B4GALT6: variants seen among roughly 807,000 people sequenced by gnomAD.
The protein encoded by B4GALT6 is UDP-Gal:beta-GlcNAc beta-1,4-galactosyltransferase 6.
In B4GALT6, 14 loss-of-function variants were observed where a neutral mutation model predicts 46.3. The ratio of observed to expected loss-of-function variants is 0.30; its 90% CI spans 0.20 to 0.47. The LOEUF is 0.47. B4GALT6 is among the 20% of genes least tolerant of loss of function. B4GALT6 has a pLI of 0.99. For synonymous variants in B4GALT6, 168 were observed against 162.0 expected (o/e 1.04, Z -0.28); for missense variants, 386 against 480.1 (o/e 0.80, Z 1.83).
the B4GALT6 span, among the ~76,000 whole-genome samples, chr18:31,715,524 G>T: frequency 1.9e-4 from 27 of 142,832 alleles, no homozygotes; most frequent in South Asian, 4.6e-3. Flanking sequence ...CACAGCGCCT[G>T]GTCTGGAACT....
At chr18:31,691,326 T>C in the B4GALT6 span, among the ~76,000 whole-genome samples, 1 of 33,730 alleles carries the variant, frequency 3.0e-5, no homozygotes, top group African/African-American at 4.9e-5. Context: ...TATATATATA[T>C]ATATATATAT....
chr18:31,672,781 T>C (rs1026199505), intron 1 of B4GALT6, among the ~76,000 whole-genome samples: 1 of 152,114 alleles, frequency 6.6e-6, no homozygotes. Context: ...GTCACAGAGT[T>C]GTTAGTAAGT....
chr18:31,625,152 G>A lies in B4GALT6; in HGVS notation c.*462C>T, dbSNP rs1220164106. On this transcript the variant is annotated 3_prime_UTR_variant, in exon 9 of 9. Transcript: ENST00000306851. ...CTTTGTTTAGTGATGTAAATTTAGT[G>A]AGTTTTTTTCATGCAAATAAAAAAT... 2 of 153,538 alleles carry A rather than the reference G, an allele frequency of 1.3e-5. No homozygotes were observed. The highest frequency in any genetic ancestry group is 2.4e-5 in the African/African-American group (1 of 41,404). The allele number at this position is 153,538 out of a possible 1,614,324, so 9.5% of individuals were successfully genotyped here. A position where few individuals can be genotyped will look rare whatever the true frequency, so the allele number is the denominator to read the frequency against.
At chr18:31,668,085 A>G (rs2074303808) in intron 1 of B4GALT6, among the ~76,000 whole-genome samples, 1 of 151,254 alleles carries the variant, frequency 6.6e-6, no homozygotes, top group South Asian at 2.1e-4. Flanking sequence ...CGAGGGAGCA[A>G]GACTCCATCT....
chr18:31,628,855 G>A (rs1011971052), intron 6 of B4GALT6, among the ~76,000 whole-genome samples: 3 of 152,200 alleles, frequency 2.0e-5, no homozygotes, highest in African/African-American at 7.2e-5. Flanking sequence ...GAACAACACA[G>A]GTTTGAGCTG....
intron 5 of B4GALT6, among the ~76,000 whole-genome samples, chr18:31,636,024 G>A (rs999113623): frequency 6.6e-6 from 1 of 152,140 alleles, no homozygotes; most frequent in African/African-American, 2.4e-5. Context: ...TACATATGAC[G>A]TGTATATATT....
Position 31,645,566 on chromosome 18 carries a change from A to G in B4GALT6, c.347-87T>C, listed in dbSNP as rs1567966425. On this transcript the variant is annotated intron_variant, in intron 3 of 8. Transcript: ENST00000306851. Reference sequence around the variant, plus strand: ...AAATAATAATCAGCAGGGTGATGGCATATCTTAGTTGCCAGGACAATACAG... The same window carrying G: ...AAATAATAATCAGCAGGGTGATGGCGTATCTTAGTTGCCAGGACAATACAG... 2.2e-6 allele frequency: 3 copies of G among 1,361,506 alleles called. No individual in the cohort carries two copies. The Admixed American group carries it at 6.7e-5, about 30-fold the overall frequency. 84.3% of individuals were successfully genotyped at this position (1,361,506 alleles called of 1,614,324 possible). A position where few individuals can be genotyped will look rare whatever the true frequency, so the allele number is the denominator to read the frequency against.
chr18:31,691,943 G>A, the B4GALT6 span, among the ~76,000 whole-genome samples: 1 of 152,072 alleles, frequency 6.6e-6, no homozygotes, highest in Non-Finnish European at 1.5e-5. Context: ...GACCTTTTCA[G>A]TCAGCAAAGT....
At chr18:31,723,376 G>T in the B4GALT6 span, among the ~76,000 whole-genome samples, 1 of 152,172 alleles carries the variant, frequency 6.6e-6, no homozygotes, top group Admixed American at 6.5e-5. Context: ...CTGGGTTCTA[G>T]TTATAGTCGC....
chr18:31,624,952 C>T lies in B4GALT6; in HGVS notation c.*662G>A, dbSNP rs930598935. On this transcript the variant is annotated 3_prime_UTR_variant, in exon 9 of 9. Transcript: ENST00000306851. ...GCAAGCAAGGAAAAACATAGGTAAT[C>T]CCGGTAGGAAGAAAAGCTATTTAAG... is the stretch of plus-strand genomic sequence containing the variant. The T allele has an allele frequency of 2.0e-5, 3 of 152,606 alleles. No homozygotes were observed. The highest frequency in any genetic ancestry group is 4.4e-5 in the Non-Finnish European group (3 of 68,022). 9.5% of individuals were successfully genotyped at this position (152,606 alleles called of 1,614,324 possible). A position where few individuals can be genotyped will look rare whatever the true frequency, so the allele number is the denominator to read the frequency against.
Position 31,645,369 on chromosome 18 carries a change from TAC to T in B4GALT6, c.455_456del (p.Cys152Ter), listed in dbSNP as rs746879761. The T allele has an allele frequency of 6.2e-7, 1 of 1,613,586 alleles. No individual in the cohort carries two copies. Among genetic ancestry groups the T allele is most frequent in the South Asian group, 1.1e-5 (1 of 90,844 alleles). Reference sequence around the variant, plus strand: ...ATTTACCTCACCTTCCATCTGGGTTTACAGTCTTTTGGCCTCCAATGACCCCC... The same window carrying T: ...ATTTACCTCACCTTCCATCTGGGTTTAGTCTTTTGGCCTCCAATGACCCCC... ...EPGGHWRPKDCKPRWKVAVLI... is the reference protein window; with the variant it reads ...EPGGHWRPKDXKPRWKVAVLI... On this transcript the variant is annotated frameshift_variant, in exon 4 of 9. Coordinates refer to ENST00000306851, the MANE Select transcript of B4GALT6 (RefSeq NM_004775.5). LOFTEE classifies it high-confidence loss of function.
chr18:31,643,076 T>C (rs889145029), intron 4 of B4GALT6, among the ~76,000 whole-genome samples: 1 of 152,212 alleles, frequency 6.6e-6, no homozygotes, highest in African/African-American at 2.4e-5. Flanking sequence ...AATATGAGAA[T>C]GGAACATTAT....
intron 4 of B4GALT6, among the ~76,000 whole-genome samples, chr18:31,639,130 T>C (rs1374783348): frequency 6.6e-6 from 1 of 152,136 alleles, no homozygotes; most frequent in Admixed American, 6.5e-5. Flanking sequence ...AGGCAATTAG[T>C]ACAGTCGTTG....
chr18:31,723,628 T>C, the B4GALT6 span, among the ~76,000 whole-genome samples: 6 of 152,024 alleles, frequency 3.9e-5, no homozygotes, highest in Admixed American at 1.3e-4. Context: ...TACAGAAAAT[T>C]TGGAGTCCTC....
the B4GALT6 span, among the ~76,000 whole-genome samples, chr18:31,718,268 A>G: frequency 1.3e-5 from 2 of 152,216 alleles, no homozygotes; most frequent in African/African-American, 4.8e-5. Context: ...TGATAGCAAC[A>G]TTTAGGGTAG....
At chr18:31,699,255 G>A in the B4GALT6 span, among the ~76,000 whole-genome samples, 1 of 144,248 alleles carries the variant, frequency 6.9e-6, no homozygotes, top group South Asian at 2.2e-4. Flanking sequence ...AAAGGCAATA[G>A]ACAGATATTT....
intron 1 of B4GALT6, among the ~76,000 whole-genome samples, chr18:31,667,970 G>A (rs1449858011): frequency 6.6e-6 from 1 of 151,952 alleles, no homozygotes; most frequent in Non-Finnish European, 1.5e-5. Context: ...GGTGGTGCAA[G>A]CCTGTAACCC....
chr18:31,684,100 A>ACATGCATTAACAAAATG (rs1184024162), intron 1 of B4GALT6, among the ~76,000 whole-genome samples: 134 of 152,352 alleles, frequency 8.8e-4, no homozygotes, highest in Non-Finnish European at 1.5e-3. Context: ...TTATTAACAA[A>ACATGCATTAACAAAATG]CATGCATTAA....
the B4GALT6 span, among the ~76,000 whole-genome samples, chr18:31,713,254 A>T: frequency 1.3e-5 from 2 of 152,186 alleles, no homozygotes; most frequent in Non-Finnish European, 2.9e-5. Flanking sequence ...CAGGAGGCCA[A>T]CGTGGGAGGA....
Sources: gnomAD v4.1 joint callset for allele counts (sites outside exome capture counted in the v4.1 genomes callset) on GRCh38, gnomAD v4.1.1 for gene constraint, MANE v1.5 for transcripts, NCBI Gene and HGNC (gene_info 2026-07-23, HGNC 2026-07-21) for gene names.